DLGAP4: variants seen among roughly 807,000 people sequenced by gnomAD.
The protein encoded by DLGAP4 is disks large-associated protein 4.
DLGAP4 carries 18 observed loss-of-function variants against 86.9 expected under a neutral mutation model. The ratio of observed to expected loss-of-function variants is 0.21; its 90% confidence interval spans 0.14 to 0.31. DLGAP4 has a LOEUF of 0.31. Ranked by LOEUF, DLGAP4 falls within the 10% of genes least tolerant of loss-of-function variation. DLGAP4 has a pLI of 1.00. For synonymous variants in DLGAP4, 548 were observed against 574.3 expected, an observed-to-expected ratio of 0.95 and a Z score of 0.65; for missense variants, 1,085 against 1,362.6, an observed-to-expected ratio of 0.80 and a Z score of 3.21.
chr20:36,466,966 GTCTC>G (rs1406381091), intron 7 of DLGAP4, among the ~76,000 whole-genome samples: 3 of 72,590 alleles, frequency 4.1e-5, no homozygotes, highest in Admixed American at 1.5e-4. Context: ...CTCTCTCTCT[GTCTC>G]TCTCCTCTCT....
intron 2 of DLGAP4, among the ~76,000 whole-genome samples, chr20:36,411,812 C>T (rs1463787037): frequency 6.6e-6 from 1 of 152,214 alleles, no homozygotes; most frequent in Non-Finnish European, 1.5e-5. Context: ...CTCCCTGAAT[C>T]CCTCGCCTTT....
At chr20:36,352,247 C>G (rs1215627998) in intron 1 of DLGAP4, among the ~76,000 whole-genome samples, 7 of 152,064 alleles carry the variant, frequency 4.6e-5, no homozygotes, top group African/African-American at 7.2e-5. Context: ...GGGACCAGAC[C>G]TTGTGGGGCC....
intron 1 of DLGAP4, among the ~76,000 whole-genome samples, chr20:36,355,695 T>G (rs560140332): frequency 1.2e-4 from 19 of 152,394 alleles, no homozygotes; most frequent in African/African-American, 3.8e-4. Flanking sequence ...ATTCCACATT[T>G]TGCTTATCTG....
At chr20:36,522,230 C>T (rs1271596897) in intron 10 of DLGAP4, among the ~76,000 whole-genome samples, 2 of 152,176 alleles carry the variant, frequency 1.3e-5, no homozygotes, top group Non-Finnish European at 1.5e-5. Flanking sequence ...TCATAGTTCA[C>T]TGCAGCCTTG....
rs567112777 is a variant in DLGAP4, at chr20:36,455,988, A to G, written c.1648+9051A>G. On this transcript the variant is annotated intron_variant, in intron 7 of 12. Transcript: ENST00000339266. ...AGACCATCATGTCCGGAGATTGCAA[A>G]TGGACTTCAACCATGTGTCATCTCT... 3.9e-5 allele frequency among the ~76,000 whole-genome samples: 6 copies of G among 152,250 alleles called. No individual in the cohort carries two copies. The South Asian group carries it at 1.0e-3, about 26-fold the overall frequency.
At chr20:36,482,266 A>G (rs1249039310) in intron 7 of DLGAP4, among the ~76,000 whole-genome samples, 1 of 152,192 alleles carries the variant, frequency 6.6e-6, no homozygotes, top group Admixed American at 6.5e-5. Context: ...GAGGCCAGCA[A>G]TCGAGGTGCA....
chr20:36,356,297 TTTTGTTTGTTTG>T lies in DLGAP4; in HGVS notation c.-303-10728_-303-10717del, dbSNP rs140426624. Among the ~76,000 whole-genome samples, 17 of 152,016 alleles carry T rather than the reference TTTTGTTTGTTTG, an allele frequency of 1.1e-4. No homozygotes were observed. In the South Asian group the frequency reaches 1.9e-3, roughly 17 times the overall value. ...AGCCAGCTTGAGATGGTTTCATTGT[TTTTGTTTGTTTG>T]TTTGTTTGTTTGTTTGTTTTGAGAC... On this transcript the variant is annotated intron_variant, in intron 1 of 12. Transcript: ENST00000339266.
At chr20:36,401,234 T>C (rs2032151481) in intron 2 of DLGAP4, among the ~76,000 whole-genome samples, 1 of 152,204 alleles carries the variant, frequency 6.6e-6, no homozygotes, top group Admixed American at 6.5e-5. Context: ...TCCAATTAGA[T>C]TTCATAGGCA....
chr20:36,358,533 G>C (rs1401449059), intron 1 of DLGAP4, among the ~76,000 whole-genome samples: 3 of 152,244 alleles, frequency 2.0e-5, no homozygotes, highest in Non-Finnish European at 4.4e-5. Flanking sequence ...TTGGCTGGGC[G>C]CAGTGGCTCA....
At chr20:36,483,622 GC>G (rs1399928192) in intron 7 of DLGAP4, among the ~76,000 whole-genome samples, 1 of 152,208 alleles carries the variant, frequency 6.6e-6, no homozygotes, top group African/African-American at 2.4e-5. Flanking sequence ...CCTTCCTCAG[GC>G]CCCCTTGGGA....
chr20:36,365,894 A>G (rs1410313288), intron 1 of DLGAP4, among the ~76,000 whole-genome samples: 2 of 152,152 alleles, frequency 1.3e-5, no homozygotes, highest in African/African-American at 4.8e-5. Context: ...CCTGAGTTCA[A>G]ATCCCGACCT....
intron 1 of DLGAP4, among the ~76,000 whole-genome samples, chr20:36,321,142 G>A (rs1233651297): frequency 6.6e-6 from 1 of 152,214 alleles, no homozygotes; most frequent in African/African-American, 2.4e-5. Flanking sequence ...CCATGCTGGG[G>A]TGATGGTCAG....
chr20:36,365,507 GTTGTCCCTGGGGGAGGCTGCA>G (rs1338710835), intron 1 of DLGAP4, among the ~76,000 whole-genome samples: 20 of 152,314 alleles, frequency 1.3e-4, no homozygotes, highest in Non-Finnish European at 2.4e-4. Flanking sequence ...GTTTGGTGAT[GTTGTCCCTGGGGGAGGCTGCA>G]TCGTCCTGGA....
chr20:36,396,603 CGCAT>C (rs202028950), intron 2 of DLGAP4, among the ~76,000 whole-genome samples: 1 of 121,714 alleles, frequency 8.2e-6, no homozygotes, highest in Non-Finnish European at 2.1e-5. Context: ...CACACACGCA[CGCAT>C]ACACACCACA....
intron 2 of DLGAP4, among the ~76,000 whole-genome samples, chr20:36,408,626 G>A (rs1318496811): frequency 6.6e-6 from 1 of 152,200 alleles, no homozygotes; most frequent in Non-Finnish European, 1.5e-5. Context: ...AGCCCCTGTG[G>A]GCTCTTTGCA....
intron 2 of DLGAP4, among the ~76,000 whole-genome samples, chr20:36,420,194 A>G (rs572139880): frequency 2.1e-4 from 32 of 152,320 alleles, no homozygotes; most frequent in Non-Finnish European, 3.5e-4. Flanking sequence ...AATCTTCATG[A>G]ACACCTACTA....
At chr20:36,485,107 C>T (rs1043308288) in intron 7 of DLGAP4, among the ~76,000 whole-genome samples, 28 of 151,994 alleles carry the variant, frequency 1.8e-4, no homozygotes, top group Admixed American at 1.6e-3. Flanking sequence ...TTTCTTTGGC[C>T]GGGCGAGGTG....
In DLGAP4 at chr20:36,461,888, C is replaced by T. The variant is rs372957558; in HGVS notation, c.1648+14951C>T. On this transcript the variant is annotated intron_variant, in intron 7 of 12. Transcript: ENST00000339266. ...CCCTCGCGCTCCTCCGCAGCCCCTC[C>T]CTCGCTCCCCATCTCGGGTCCCCTT... is the stretch of plus-strand genomic sequence containing the variant. The T allele has an allele frequency of 1.6e-4, 159 of 985,052 alleles. No homozygotes were observed. In the East Asian group the frequency reaches 0.014, roughly 85 times the overall value. The allele number at this position is 985,052 out of a possible 1,614,324, so 61.0% of individuals were successfully genotyped here.
chr20:36,434,692 CTGGG>C (rs1214029345), intron 3 of DLGAP4, among the ~76,000 whole-genome samples: 5 of 152,124 alleles, frequency 3.3e-5, no homozygotes, highest in Non-Finnish European at 7.3e-5. Flanking sequence ...TGGCCCTAGG[CTGGG>C]CAGTCTGCTG....
Sources: allele counts gnomAD v4.1 joint callset (sites outside exome capture counted in the v4.1 genomes callset), GRCh38; gene constraint gnomAD v4.1.1; transcripts MANE v1.5; gene names NCBI Gene and HGNC (gene_info 2026-07-23, HGNC 2026-07-21).